PDE1C: variants seen among roughly 807,000 people sequenced by gnomAD.
PDE1C encodes the protein dual specificity calcium/calmodulin-dependent 3',5'-cyclic nucleotide phosphodiesterase 1C.
A neutral mutation model predicts 93.1 loss-of-function variants in PDE1C; 62 were observed. The ratio of observed to expected loss-of-function variants is 0.67; its 90% CI spans 0.54 to 0.82. The LOEUF is 0.82. Among genes scored for constraint, PDE1C ranks in the 40% least tolerant of loss-of-function variants. PDE1C has a pLI of 0.00. For synonymous variants in PDE1C, 325 were observed against 310.1 expected, an observed-to-expected ratio of 1.05 and a Z score of -0.50; for missense variants, 742 against 884.6, an observed-to-expected ratio of 0.84 and a Z score of 2.04.
chr7:31,635,650 G>A, the PDE1C span, among the ~76,000 whole-genome samples: 2 of 152,134 alleles, frequency 1.3e-5, no homozygotes, highest in Non-Finnish European at 2.9e-5. Context: ...ATTTGGACCA[G>A]TGTATTAGGC....
At chr7:32,121,031 C>T (rs1186689829) in intron 3 of PDE1C, among the ~76,000 whole-genome samples, 1 of 152,134 alleles carries the variant, frequency 6.6e-6, no homozygotes, top group Admixed American at 6.6e-5. Flanking sequence ...TAGAGAAGAA[C>T]ATAAGTGACT....
At chr7:31,625,791 G>T in the PDE1C span, among the ~76,000 whole-genome samples, 1 of 151,140 alleles carries the variant, frequency 6.6e-6, no homozygotes, top group Non-Finnish European at 1.5e-5. Context: ...AACAGTTAAA[G>T]AATTAGAATA....
intron 1 of PDE1C, among the ~76,000 whole-genome samples, chr7:32,282,032 T>G (rs761424288): frequency 4.6e-5 from 7 of 151,210 alleles, no homozygotes; most frequent in Non-Finnish European, 2.9e-5. Flanking sequence ...CGGGGAGAGA[T>G]AGCATTAGGG....
At chr7:32,414,324 C>A (rs965410009) in intron 1 of PDE1C, among the ~76,000 whole-genome samples, 1 of 151,612 alleles carries the variant, frequency 6.6e-6, no homozygotes, top group Non-Finnish European at 1.5e-5. Flanking sequence ...ATATTTATAT[C>A]AAAAAATGCC....
intron 16 of PDE1C, among the ~76,000 whole-genome samples, chr7:31,803,601 T>G (rs1052186848): frequency 6.6e-6 from 1 of 151,790 alleles, no homozygotes; most frequent in African/African-American, 2.4e-5. Flanking sequence ...CCTGTGTCCA[T>G]GTGTTCTCAT....
chr7:31,772,575 T>G (rs1285571505), intron 17 of PDE1C, among the ~76,000 whole-genome samples: 2 of 110,572 alleles, frequency 1.8e-5, no homozygotes, highest in Non-Finnish European at 4.3e-5. Context: ...AAAAGATATA[T>G]TTTTTTATTA....
At chr7:31,998,880 ACT>A (rs150458111) in intron 2 of PDE1C, among the ~76,000 whole-genome samples, 3,407 of 152,256 alleles carry the variant, frequency 0.022, 119 homozygotes, top group African/African-American at 0.078. Flanking sequence ...AATTACAGCT[ACT>A]CTCTATGCAA....
At chr7:32,087,805 A>C (rs1338309418) in intron 3 of PDE1C, among the ~76,000 whole-genome samples, 3 of 151,474 alleles carry the variant, frequency 2.0e-5, no homozygotes, top group African/African-American at 7.3e-5. Flanking sequence ...GAACAATGAA[A>C]ACACATGGAC....
intron 2 of PDE1C, among the ~76,000 whole-genome samples, chr7:31,968,566 A>G (rs1432636832): frequency 6.6e-6 from 1 of 152,172 alleles, no homozygotes; most frequent in Non-Finnish European, 1.5e-5. Context: ...TGCCATCCCC[A>G]TCAAGCTACC....
intron 12 of PDE1C, among the ~76,000 whole-genome samples, chr7:31,827,806 C>T (rs1036105990): frequency 6.6e-6 from 1 of 151,888 alleles, no homozygotes; most frequent in African/African-American, 2.4e-5. Context: ...TAAAAAAGTG[C>T]TTTAAAGAAA....
the PDE1C span, chr7:31,656,248 G>A: frequency 5.7e-6 from 1 of 176,886 alleles, no homozygotes; most frequent in Non-Finnish European, 1.1e-5. Flanking sequence ...ACTACCCTGT[G>A]TTTAAGAGAG....
At chr7:32,347,508 G>A (rs537018504) in intron 1 of PDE1C, among the ~76,000 whole-genome samples, 4 of 152,232 alleles carry the variant, frequency 2.6e-5, no homozygotes, top group East Asian at 1.9e-4. Context: ...CAAAGGTAAA[G>A]GTGTTTTGTA....
At chr7:31,905,532 T>C (rs1800485738) in intron 2 of PDE1C, among the ~76,000 whole-genome samples, 1 of 152,200 alleles carries the variant, frequency 6.6e-6, no homozygotes, top group Non-Finnish European at 1.5e-5. Flanking sequence ...AACTGGACAA[T>C]GGAAACTATA....
intron 2 of PDE1C, among the ~76,000 whole-genome samples, chr7:32,181,329 A>C (rs945328477): frequency 5.3e-5 from 8 of 152,194 alleles, no homozygotes; most frequent in African/African-American, 1.2e-4. Context: ...CTCCACCCCA[A>C]ATCAACAGAA....
At chr7:32,032,279 A>G (rs1019670313) in intron 2 of PDE1C, among the ~76,000 whole-genome samples, 4 of 152,148 alleles carry the variant, frequency 2.6e-5, no homozygotes, top group African/African-American at 9.6e-5. Flanking sequence ...CTCATGTTCT[A>G]AAGAGGAAAA....
the PDE1C span, among the ~76,000 whole-genome samples, chr7:31,693,481 C>T: frequency 6.6e-6 from 1 of 152,176 alleles, no homozygotes; most frequent in Non-Finnish European, 1.5e-5. Flanking sequence ...AATCCTGATA[C>T]CATAACCTGC....
At chr7:31,865,334 C>T (rs1254264721) in intron 6 of PDE1C, among the ~76,000 whole-genome samples, 1 of 152,154 alleles carries the variant, frequency 6.6e-6, no homozygotes, top group African/African-American at 2.4e-5. Context: ...TGAGAAATGA[C>T]ATCTGATCAT....
upstream of PDE1C, among the ~76,000 whole-genome samples, chr7:32,072,710 G>A (rs1341158693): frequency 1.3e-5 from 2 of 152,108 alleles, no homozygotes; most frequent in African/African-American, 4.8e-5. Context: ...TATTCTATGA[G>A]GTAGATACTA....
At chr7:31,941,839 G>T (rs1584097137) in intron 2 of PDE1C, among the ~76,000 whole-genome samples, 1 of 152,150 alleles carries the variant, frequency 6.6e-6, no homozygotes, top group East Asian at 1.9e-4. Flanking sequence ...AGCCCCTCAG[G>T]GTTCCTATGC....
Sources: gnomAD v4.1 joint callset for allele counts (sites outside exome capture counted in the v4.1 genomes callset) on GRCh38, gnomAD v4.1.1 for gene constraint, MANE v1.5 for transcripts, NCBI Gene and HGNC (gene_info 2026-07-23, HGNC 2026-07-21) for gene names.